Variants in POLN observed in about 807,000 individuals in gnomAD.
The protein encoded by POLN is DNA polymerase nu, also known as DNA polymerase N.
A neutral mutation model predicts 113.5 loss-of-function variants in POLN; 108 were observed. The ratio of observed to expected loss-of-function variants is 0.95; its 90% CI spans 0.81 to 1.12. The LOEUF (loss-of-function observed/expected upper bound fraction) is 1.12. Among genes scored for constraint, POLN ranks in the 50% most tolerant of loss-of-function variants. The pLI, the probability that POLN is intolerant of heterozygous loss-of-function variation, is 0.00. For missense variants in POLN, 1,097 were observed against 1,077.1 expected (o/e 1.02, Z -0.26); for synonymous variants, 386 against 391.5 (o/e 0.99, Z 0.17).
intron 19 of POLN, among the ~76,000 whole-genome samples, chr4:2,099,222 G>A (rs1730867640): frequency 6.6e-6 from 1 of 152,174 alleles, no homozygotes; most frequent in South Asian, 2.1e-4. Context: ...TTAATTAGAG[G>A]CTATGCTTAG....
chr4:2,199,576 TTTTA>T (rs1733661561), intron 5 of POLN, among the ~76,000 whole-genome samples: 1 of 152,090 alleles, frequency 6.6e-6, no homozygotes, highest in Non-Finnish European at 1.5e-5. Flanking sequence ...ATATATATAC[TTTTA>T]TTTTATTTTT....
In POLN at chr4:2,096,688, G is replaced by GAA; in HGVS notation, c.1983-756_1983-755insTT. On this transcript the variant is annotated intron_variant, in intron 19 of 25. Transcript: ENST00000511885. ...TCTCAGATTCAGAAGCCGAGAGAAAGAGAGAGAGAGAGAGAGAGAGAGAGA... is the reference window on the plus strand; with the variant it reads ...TCTCAGATTCAGAAGCCGAGAGAAAGAAAGAGAGAGAGAGAGAGAGAGAGAGA... Among the ~76,000 whole-genome samples the GAA allele has an allele frequency of 2.8e-5, 2 of 72,138 alleles. 1 individual carries two copies. The highest frequency in any genetic ancestry group is 8.4e-4 in the South Asian group (2 of 2,390). 47.3% of individuals were successfully genotyped at this position (72,138 alleles called of 152,430 possible).
At chr4:2,222,838 C>G (rs1443601302) in intron 3 of POLN, among the ~76,000 whole-genome samples, 1 of 152,058 alleles carries the variant, frequency 6.6e-6, no homozygotes, top group Non-Finnish European at 1.5e-5. Context: ...GTAAGCCAGA[C>G]AAACCCACCT....
chr4:2,154,360 A>C (rs2108738904), intron 16 of POLN, among the ~76,000 whole-genome samples: 1 of 152,224 alleles, frequency 6.6e-6, no homozygotes, highest in East Asian at 1.9e-4. Flanking sequence ...CAATAGGAAA[A>C]AATAAACACC....
At chr4:2,182,899 G>T (rs7665465) in intron 7 of POLN, among the ~76,000 whole-genome samples, 37,479 of 151,090 alleles carry the variant, frequency 0.25, 7,144 homozygotes, top group African/African-American at 0.52. Context: ...GAAAGTATTT[G>T]CAAATTGTAT....
chr4:2,183,493 T>C (rs966851748), intron 7 of POLN, among the ~76,000 whole-genome samples: 2 of 152,172 alleles, frequency 1.3e-5, no homozygotes, highest in Non-Finnish European at 2.9e-5. Flanking sequence ...TGAATGAACC[T>C]TTAAAACACT....
chr4:2,125,736 C>A (rs997986074), intron 19 of POLN, among the ~76,000 whole-genome samples: 1 of 152,144 alleles, frequency 6.6e-6, no homozygotes, highest in African/African-American at 2.4e-5. Flanking sequence ...ATCCATCCTG[C>A]GACCTTTCCT....
chr4:2,105,197 T>G (rs530792783), intron 19 of POLN, among the ~76,000 whole-genome samples: 8 of 152,324 alleles, frequency 5.3e-5, no homozygotes, highest in African/African-American at 1.9e-4. Context: ...ATTGCCCCAC[T>G]GGGACTCCCA....
chr4:2,089,533 A>C (rs1730619678), intron 20 of POLN: 1 of 1,256,016 alleles, frequency 8.0e-7, no homozygotes, highest in Admixed American at 2.4e-5. Flanking sequence ...ATTTTTAAAA[A>C]TGTAATTCTT....
intron 3 of POLN, among the ~76,000 whole-genome samples, chr4:2,223,572 G>C (rs1329838678): frequency 6.6e-6 from 1 of 152,166 alleles, no homozygotes. Flanking sequence ...AAAGGTTGGG[G>C]ACTGCTGTCA....
intron 6 of POLN, among the ~76,000 whole-genome samples, chr4:2,198,158 T>C (rs1733625832): frequency 6.6e-6 from 1 of 152,206 alleles, no homozygotes; most frequent in African/African-American, 2.4e-5. Flanking sequence ...AGTGATAACT[T>C]TGTTTTCTAA....
Position 2,080,952 on chromosome 4 carries a change from A to G in POLN, c.2387+6T>C. On this transcript the variant is annotated splice_donor_region_variant and intron_variant, in intron 23 of 25. Transcript: ENST00000511885. ...TCCAAGCCCTGGGAGACCACCACCC[A>G]CTGACCTGGCCGTCAAGGTGTGGGA... The G allele has an allele frequency of 6.2e-7, 1 of 1,613,848 alleles. No individual in the cohort carries two copies. The highest frequency in any genetic ancestry group is 8.5e-7 in the Non-Finnish European group (1 of 1,179,936).
intron 4 of POLN, among the ~76,000 whole-genome samples, chr4:2,209,289 G>A (rs1733931667): frequency 6.6e-6 from 1 of 151,832 alleles, no homozygotes; most frequent in African/African-American, 2.4e-5. Context: ...AGACCATCCT[G>A]ACCAACATGG....
At chr4:2,110,589 C>T (rs1731167775) in intron 19 of POLN, among the ~76,000 whole-genome samples, 1 of 152,134 alleles carries the variant, frequency 6.6e-6, no homozygotes, top group Non-Finnish European at 1.5e-5. Context: ...ATACAAACTA[C>T]CATCAGAGAA....
chr4:2,166,604 G>C (rs1344800110), intron 13 of POLN, among the ~76,000 whole-genome samples: 1 of 152,162 alleles, frequency 6.6e-6, no homozygotes, highest in African/African-American at 2.4e-5. Context: ...ATGTGGGCAG[G>C]GACTATCCAA....
In POLN at chr4:2,126,645, C is replaced by T. The variant is rs1731588670; in HGVS notation, c.1982+1468G>A. On this transcript the variant is annotated intron_variant, in intron 19 of 25. Coordinates refer to ENST00000511885, the MANE Select transcript of POLN (RefSeq NM_181808.4). This position sits in a 1 kb window ranked among gnomAD's most constrained non-coding sequence, Gnocchi z 4.6. ...GAGAGGAGTGGAGACCAGAGAGGAG[C>T]GGCGCCGTGCCCAGCATCAGGGGAG... is the stretch of plus-strand genomic sequence containing the variant. Among the ~76,000 whole-genome samples, 1 of 151,922 alleles carries T rather than the reference C, an allele frequency of 6.6e-6. No individual in the cohort carries two copies. The highest frequency in any genetic ancestry group is 1.5e-5 in the Non-Finnish European group (1 of 67,998).
At chr4:2,223,020 T>A (rs1221057714) in intron 3 of POLN, among the ~76,000 whole-genome samples, 1 of 152,194 alleles carries the variant, frequency 6.6e-6, no homozygotes, top group Non-Finnish European at 1.5e-5. Flanking sequence ...GACTGAGATT[T>A]GTCAGCAGAA....
chr4:2,112,392 A>C (rs1731217518), intron 19 of POLN, among the ~76,000 whole-genome samples: 1 of 152,238 alleles, frequency 6.6e-6, no homozygotes, highest in South Asian at 2.1e-4. Context: ...AATGGGATCT[A>C]ATTAAACTAA....
intron 20 of POLN, among the ~76,000 whole-genome samples, chr4:2,086,327 GA>G (rs1014161104): frequency 6.6e-6 from 1 of 151,948 alleles, no homozygotes. Context: ...AACAAGAAAA[GA>G]AAAAAAGGAC....
Sources: allele counts gnomAD v4.1 joint callset (sites outside exome capture counted in the v4.1 genomes callset), GRCh38; gene constraint gnomAD v4.1.1; non-coding constraint Gnocchi (gnomAD v3.1); transcripts MANE v1.5; gene names NCBI Gene and HGNC (gene_info 2026-07-23, HGNC 2026-07-21).